SUMF1: variants seen among roughly 807,000 people sequenced by gnomAD.
SUMF1 encodes formylglycine-generating enzyme.
SUMF1 carries 48 observed loss-of-function variants against 47.6 expected under a neutral mutation model. The ratio of observed to expected loss-of-function variants is 1.01; its 90% CI spans 0.80 to 1.28. SUMF1 has a LOEUF of 1.28. SUMF1 is among the 50% of genes most tolerant of loss of function. The pLI, the probability that SUMF1 is intolerant of heterozygous loss-of-function variation, is 0.00. For missense variants in SUMF1, 571 were observed against 485.4 expected, an observed-to-expected ratio of 1.18 and a Z score of -1.66; for synonymous variants, 230 against 192.1, an observed-to-expected ratio of 1.20 and a Z score of -1.63.
chr3:4,220,083 A>G (rs747702878), intron 8 of SUMF1, among the ~76,000 whole-genome samples: 40 of 152,118 alleles, frequency 2.6e-4, no homozygotes, highest in Non-Finnish European at 8.8e-5. Flanking sequence ...AAAAATTCTA[A>G]AGAGCATTAC....
chr3:4,075,233 G>A (rs953988499), intron 8 of SUMF1, among the ~76,000 whole-genome samples: 3 of 152,026 alleles, frequency 2.0e-5, no homozygotes, highest in South Asian at 2.1e-4. Context: ...CAGAACCAAC[G>A]ACAAAAACCA....
chr3:4,239,944 C>T (rs1382719350), intron 8 of SUMF1, among the ~76,000 whole-genome samples: 1 of 152,064 alleles, frequency 6.6e-6, no homozygotes, highest in Non-Finnish European at 1.5e-5. Flanking sequence ...CGCATTCCAT[C>T]CATACCTAGT....
chr3:4,331,835 A>C (rs1272748961), intron 8 of SUMF1, among the ~76,000 whole-genome samples: 2 of 152,070 alleles, frequency 1.3e-5, no homozygotes, highest in African/African-American at 4.8e-5. Context: ...ATCTCCAAAA[A>C]ATTAAATAAA....
intron 8 of SUMF1, among the ~76,000 whole-genome samples, chr3:4,161,550 G>T (rs1303694904): frequency 5.3e-5 from 8 of 151,980 alleles, no homozygotes; most frequent in Non-Finnish European, 4.4e-5. Context: ...CCTTTCCATG[G>T]GGAGTGGAGT....
At chr3:4,241,887 T>C (rs1308254753) in intron 8 of SUMF1, among the ~76,000 whole-genome samples, 1 of 152,126 alleles carries the variant, frequency 6.6e-6, no homozygotes, top group African/African-American at 2.4e-5. Context: ...TAGAGATTGG[T>C]TGGACCAGTT....
chr3:4,240,862 A>AT lies in SUMF1; in HGVS notation c.1014+135467dup, dbSNP rs562729124. Among the ~76,000 whole-genome samples, 203 of 151,912 alleles carry AT rather than the reference A, an allele frequency of 1.3e-3. 1 individual carries two copies. The highest frequency in any genetic ancestry group is 3.2e-3 in the Admixed American group (49 of 15,258). ...ATTTTATAATCAGAAAAAAATTAAG[A>AT]TTTTTTTCCTACGGAACTGAAGTGT... On this transcript the variant is annotated intron_variant and NMD_transcript_variant, in intron 8 of 12. Coordinates refer to the SUMF1 transcript ENST00000448413.
chr3:4,266,047 C>T (rs377131744), intron 8 of SUMF1, among the ~76,000 whole-genome samples: 5 of 152,176 alleles, frequency 3.3e-5, no homozygotes, highest in South Asian at 2.1e-4. Context: ...TGTAGACATG[C>T]GGCGTTATTT....
chr3:4,235,177 T>C (rs1389224140), intron 8 of SUMF1, among the ~76,000 whole-genome samples: 1 of 152,124 alleles, frequency 6.6e-6, no homozygotes, highest in East Asian at 1.9e-4. Flanking sequence ...ATCTAAAATG[T>C]AGCAGAAAGC....
intron 9 of SUMF1, among the ~76,000 whole-genome samples, chr3:4,062,489 T>C (rs1406560671): frequency 8.5e-5 from 13 of 152,258 alleles, no homozygotes; most frequent in Middle Eastern, 3.4e-3. Flanking sequence ...CATCAGGAAG[T>C]GGTTGGTTCA....
intron 8 of SUMF1, among the ~76,000 whole-genome samples, chr3:4,226,024 A>G (rs886383050): frequency 6.6e-6 from 1 of 152,082 alleles, no homozygotes; most frequent in African/African-American, 2.4e-5. Flanking sequence ...CTTCCAGGTC[A>G]TAAAGATGAC....
At chr3:4,316,980 C>T (rs1175149948) in intron 8 of SUMF1, 1 of 1,549,296 alleles carries the variant, frequency 6.5e-7, no homozygotes, top group East Asian at 2.4e-5. Context: ...TGTTGCACAA[C>T]CCACACTTCA....
At chr3:4,418,204 G>A in intron 4 of SUMF1, 72 bp from the exon 5 acceptor site, 3 of 1,603,672 alleles carry the variant, frequency 1.9e-6, no homozygotes, top group Non-Finnish European at 2.6e-6. Flanking sequence ...CTTCAGCAAA[G>A]CGCCCATAAT....
At chr3:4,317,440 T>C in intron 8 of SUMF1, 1 of 530,824 alleles carries the variant, frequency 1.9e-6, no homozygotes, top group Non-Finnish European at 3.3e-6. Context: ...CCCAGCACTT[T>C]GGGAGGCCCA....
At chr3:4,066,027 C>T (rs1474591749) in intron 9 of SUMF1, among the ~76,000 whole-genome samples, 3 of 152,054 alleles carry the variant, frequency 2.0e-5, no homozygotes, top group East Asian at 3.9e-4. Flanking sequence ...GGAACCAGAG[C>T]ACAAGGGATC....
intron 8 of SUMF1, among the ~76,000 whole-genome samples, chr3:4,160,598 A>G (rs748801384): frequency 3.3e-5 from 5 of 152,008 alleles, no homozygotes; most frequent in Non-Finnish European, 5.9e-5. Flanking sequence ...CACTTCTGCT[A>G]TTAAGAGACC....
intron 2 of SUMF1, among the ~76,000 whole-genome samples, chr3:4,451,241 G>C (rs1424029235): frequency 6.6e-6 from 1 of 151,694 alleles, no homozygotes; most frequent in Non-Finnish European, 1.5e-5. Flanking sequence ...ATTTCAAAGT[G>C]GGGATGAATG....
chr3:4,460,276 A>G (rs1280145989), intron 1 of SUMF1, among the ~76,000 whole-genome samples: 1 of 152,212 alleles, frequency 6.6e-6, no homozygotes, highest in Non-Finnish European at 1.5e-5. Context: ...TACTGGGTAA[A>G]TGAGAAATTG....
intron 8 of SUMF1, among the ~76,000 whole-genome samples, chr3:4,222,040 TATC>T (rs947272121): frequency 2.0e-5 from 3 of 152,098 alleles, no homozygotes; most frequent in Middle Eastern, 3.4e-3. Flanking sequence ...GACAGGAAAA[TATC>T]ATATTGCTAA....
intron 8 of SUMF1, among the ~76,000 whole-genome samples, chr3:4,372,927 A>G (rs922955435): frequency 1.3e-5 from 2 of 152,192 alleles, no homozygotes; most frequent in Admixed American, 1.3e-4. Context: ...CTAATAAACA[A>G]TTCATTTGAC....
Sources: gnomAD v4.1 joint callset for allele counts (sites outside exome capture counted in the v4.1 genomes callset) on GRCh38, gnomAD v4.1.1 for gene constraint, MANE v1.5 for transcripts, NCBI Gene and HGNC (gene_info 2026-07-23, HGNC 2026-07-21) for gene names.